The following CEP290 variants were observed in gnomAD, a reference collection of about 807,000 sequenced individuals.
CEP290 encodes the protein centrosomal protein 290.
In CEP290, 317 loss-of-function variants were observed where a neutral mutation model predicts 344.9. That is an observed-to-expected ratio of 0.92 (90% CI 0.84 to 1.01). The LOEUF is 1.01. Among genes scored for constraint, CEP290 ranks in the 50% least tolerant of loss-of-function variants. The pLI is 0.00. For synonymous variants in CEP290, 932 were observed against 895.8 expected, an observed-to-expected ratio of 1.04 and a Z score of -0.72; for missense variants, 2,754 against 2,761.4, an observed-to-expected ratio of 1.00 and a Z score of 0.06.
intron 33 of CEP290, 77 bp from the exon 34 acceptor site, chr12:88,086,250 TA>T (rs1461715385): frequency 6.5e-7 from 1 of 1,545,020 alleles, no homozygotes; most frequent in Non-Finnish European, 8.8e-7. Flanking sequence ...AGCTGTATGA[TA>T]AAACATAGAT....
Position 88,131,368 on chromosome 12 carries a change from T to G in CEP290, c.442-150A>C. 3 of 535,506 alleles carry G rather than the reference T, an allele frequency of 5.6e-6. No individual in the cohort carries two copies. In the East Asian group the frequency reaches 1.1e-4, roughly 19 times the overall value. 33.2% of individuals were successfully genotyped at this position (535,506 alleles called of 1,614,324 possible). A position where few individuals can be genotyped will look rare whatever the true frequency, so the allele number is the denominator to read the frequency against. On this transcript the variant is annotated intron_variant, in intron 6 of 53. Transcript: ENST00000552810. ...AACCTCTGCCTCCCGGTTCAAGCAA[T>G]TCTCCCACCTCAGCCTACCGAGTAG...
In CEP290 at chr12:88,077,731, T is replaced by C; in HGVS notation, c.5552A>G (p.Lys1851Arg). 6.4e-7 allele frequency: 1 copy of C among 1,572,340 alleles called. No individual in the cohort carries two copies. Among genetic ancestry groups the C allele is most frequent in the Non-Finnish European group, 8.6e-7 (1 of 1,162,528 alleles). Reference sequence around the variant, plus strand: ...ACTGGTTAGTCTTTTAATTTGCCTTTTCAGTTCATCATTCTCTTGATCAAT... The same window carrying C: ...ACTGGTTAGTCTTTTAATTTGCCTTCTCAGTTCATCATTCTCTTGATCAAT... ...EEIDQENDEL[K>R]RQIKRLTSGL... The change falls in exon 40 of 54, where the codon AAA becomes AGA. Residue 1851 changes from lysine to arginine, a missense_variant. Transcript: ENST00000552810.
chr12:88,113,489 T>C (rs538874331), intron 20 of CEP290, among the ~76,000 whole-genome samples: 4 of 152,162 alleles, frequency 2.6e-5, no homozygotes, highest in South Asian at 4.1e-4. Context: ...ACAATTATAG[T>C]GTTATTTTAA....
rs1356762631 is a variant in CEP290, at chr12:88,141,234, G to A, written c.74C>T (p.Ala25Val). The A allele has an allele frequency of 1.2e-6, 2 of 1,610,430 alleles. No individual in the cohort carries two copies. The highest frequency in any genetic ancestry group is 3.4e-5 in the Admixed American group (2 of 59,512). Residue 25 changes from alanine (A) to valine (V), a missense_variant, in exon 2 of 54, where the codon GCA becomes GTA. Coordinates refer to ENST00000552810, the MANE Select transcript of CEP290 (RefSeq NM_025114.4). ...PDDLPRQEEL[A>V]DNLLISLSKV... ...GGATAAGGAAATCAATAAATTATCT[G>A]CCAGTTCTTCTTGACGGGGCAGGTC...
In CEP290 at chr12:88,141,295, T is replaced by A. The variant is rs1046797710; in HGVS notation, c.13A>T (p.Ile5Leu). 3 of 1,610,606 alleles carry A rather than the reference T, an allele frequency of 1.9e-6. No homozygotes were observed. In the African/African-American group the frequency reaches 4.0e-5, roughly 22 times the overall value. The stretch of plus-strand genomic sequence containing the variant: ...ACTTTCATTATTTCTTTCCAGTTTA[T>A]ATTAGGTGGCATCTTGAATTCTTTC... MPPN[I>L]NWKEIMKVDP... Residue 5 changes from isoleucine to leucine, a missense_variant, in exon 2 of 54, where the codon ATA becomes TTA. Coordinates refer to ENST00000552810, the MANE Select transcript of CEP290 (RefSeq NM_025114.4).
rs2033932841 is a variant in CEP290 at position 88,055,587 on chromosome 12, G to A, written c.6949C>T (p.Leu2317Phe). 3 of 1,576,056 alleles carry A rather than the reference G, an allele frequency of 1.9e-6. No homozygotes were observed. The highest frequency in any genetic ancestry group is 2.6e-6 in the Non-Finnish European group (3 of 1,161,528). Residue 2317 changes from leucine to phenylalanine, a missense_variant, in exon 50 of 54, where the codon CTT becomes TTT. By Grantham distance (22) the Leu-to-Phe change is conservative (BLOSUM62 0). Coordinates refer to ENST00000552810, the MANE Select transcript of CEP290 (RefSeq NM_025114.4). The part of the protein sequence containing the change: ...EQKVNKYNED[L>F]EQQIKILKHV... ...ATTACGTTACTTACCTGTTGTTCAAGGTCTTCATTGTATTTGTTAACTTTT... is the reference window on the plus strand; with the variant it reads ...ATTACGTTACTTACCTGTTGTTCAAAGTCTTCATTGTATTTGTTAACTTTT...
chr12:88,085,398 A>G (rs887107020), intron 34 of CEP290, among the ~76,000 whole-genome samples: 1 of 152,140 alleles, frequency 6.6e-6, no homozygotes, highest in South Asian at 2.1e-4. Flanking sequence ...GGCAATTCAC[A>G]TAAATGACAA....
intron 11 of CEP290, among the ~76,000 whole-genome samples, chr12:88,128,310 C>G (rs1565912015): frequency 6.6e-6 from 1 of 152,048 alleles, no homozygotes; most frequent in Non-Finnish European, 1.5e-5. Flanking sequence ...TCCAAACTGC[C>G]CACAAGATTT....
At chr12:88,061,087 T>A (rs2034446369) in intron 46 of CEP290, 93 bp from the exon 47 acceptor site, 2 of 862,642 alleles carry the variant, frequency 2.3e-6, no homozygotes, top group South Asian at 2.6e-5. Context: ...ACTCAATAAT[T>A]CCTAATATTT....
At chr12:88,065,637 G>A (rs1397698604) in intron 44 of CEP290, among the ~76,000 whole-genome samples, 1 of 152,050 alleles carries the variant, frequency 6.6e-6, no homozygotes, top group African/African-American at 2.4e-5. Flanking sequence ...GTACCTATTT[G>A]ATTCAGCAAA....
At chr12:88,127,411 C>T (rs1463177121) in intron 11 of CEP290, among the ~76,000 whole-genome samples, 1 of 152,074 alleles carries the variant, frequency 6.6e-6, no homozygotes, top group Non-Finnish European at 1.5e-5. Context: ...CCACCTGAAC[C>T]CAGGAGGTGG....
At chr12:88,103,742 TAA>T in intron 25 of CEP290, 1 of 152,010 alleles carries the variant, frequency 6.6e-6, no homozygotes, top group African/African-American at 2.4e-5. Flanking sequence ...AATGAGGAAG[TAA>T]AAAAACTTAC....
rs199937112 is a variant in CEP290, at chr12:88,085,963, TAAAG to T, written c.4437+72_4437+75del. 1,790 of 1,360,494 alleles carry T rather than the reference TAAAG, an allele frequency of 1.3e-3. 18 individuals are homozygous for T. The African/African-American group carries it at 0.024, about 18-fold the overall frequency. The allele number at this position is 1,360,494 out of a possible 1,614,324, so 84.3% of individuals were successfully genotyped here. On this transcript the variant is annotated intron_variant, in intron 34 of 53. Transcript: ENST00000552810. ...TTCATCATTCTATGCATTGCCCTCA[TAAAG>T]AAATATTATTTAGAAAGCCCCCCAA... is the stretch of plus-strand genomic sequence containing the variant.
At chr12:88,058,821 T>C in intron 49 of CEP290, 27 bp downstream of exon 49, 1 of 1,606,480 alleles carries the variant, frequency 6.2e-7, no homozygotes. Flanking sequence ...GATTAAACTT[T>C]GTACAAGTTT....
intron 31 of CEP290, among the ~76,000 whole-genome samples, chr12:88,088,224 T>C (rs576467607): frequency 6.6e-6 from 1 of 152,328 alleles, no homozygotes; most frequent in South Asian, 2.1e-4. Context: ...ACACTGACTA[T>C]AAGCAGGTCA....
rs551466757 is a variant in CEP290, at chr12:88,060,579, G to C, written c.6522+251C>G. Among the ~76,000 whole-genome samples the C allele has an allele frequency of 7.0e-4, 107 of 151,876 alleles. 1 individual carries two copies. The highest frequency in any genetic ancestry group is 2.5e-3 in the African/African-American group (104 of 41,472). On this transcript the variant is annotated intron_variant, in intron 47 of 53. Transcript: ENST00000552810. ...CATCTCAAAAGAAAAAAAAAAGAGA[G>C]ACACAGGTAATTAATCTATGCTGTC...
rs2036820647 is a variant in CEP290, at chr12:88,089,180, T to C, written c.3881A>G (p.Gln1294Arg). The change falls in exon 31 of 54, where the codon CAA becomes CGA. Residue 1294 changes from glutamine to arginine, a missense_variant. Physicochemically the swap from Gln to Arg is conservative, Grantham distance 43 (BLOSUM62 1). Coordinates refer to ENST00000552810, the MANE Select transcript of CEP290 (RefSeq NM_025114.4). ...EKFSKTMIQL[Q>R]NDKLKIMQEM... ...TTGCATTATCTTAAGTTTGTCATTTTGTAGTTGAATCATTGTTTTGGAGAA... is the reference window on the plus strand; with the variant it reads ...TTGCATTATCTTAAGTTTGTCATTTCGTAGTTGAATCATTGTTTTGGAGAA... 1 of 1,612,706 alleles carries C rather than the reference T, an allele frequency of 6.2e-7. No individual in the cohort carries two copies. Among genetic ancestry groups the C allele is most frequent in the Non-Finnish European group, 8.5e-7 (1 of 1,179,252 alleles).
chr12:88,081,129 T>C (rs1455635860), intron 37 of CEP290, among the ~76,000 whole-genome samples: 3 of 152,144 alleles, frequency 2.0e-5, no homozygotes, highest in East Asian at 1.9e-4. Flanking sequence ...TGATAGGATG[T>C]TTAGCAGCAT....
At chr12:88,113,452 T>C (rs901049074) in intron 20 of CEP290, among the ~76,000 whole-genome samples, 1 of 152,112 alleles carries the variant, frequency 6.6e-6, no homozygotes, top group Admixed American at 6.6e-5. Context: ...GTTTTTAACA[T>C]ACCAGTATCA....
Sources: allele counts gnomAD v4.1 joint callset (sites outside exome capture counted in the v4.1 genomes callset), GRCh38; gene constraint gnomAD v4.1.1; transcripts MANE v1.5; gene names NCBI Gene and HGNC (gene_info 2026-07-23, HGNC 2026-07-21).